SH3D19: variants seen among roughly 807,000 people sequenced by gnomAD.
SH3D19 encodes SH3 domain-containing protein 19.
Under a neutral mutation model 112.1 loss-of-function variants are expected in SH3D19, and 58 were observed. The observed-to-expected ratio is 0.52, with a 90% CI of 0.42 to 0.64. The LOEUF is 0.64. SH3D19 is among the 30% of genes least tolerant of loss of function. The pLI is 0.00. For missense variants in SH3D19, 1,090 were observed against 1,263.4 expected (o/e 0.86, Z 2.08); for synonymous variants, 391 against 448.5 (o/e 0.87, Z 1.62).
intron 1 of SH3D19, among the ~76,000 whole-genome samples, chr4:151,311,576 C>T (rs1367262097): frequency 2.0e-5 from 3 of 152,026 alleles, no homozygotes; most frequent in South Asian, 2.1e-4. Context: ...TAGTGCCTCA[C>T]GCCTGTAATC....
intron 3 of SH3D19, among the ~76,000 whole-genome samples, chr4:151,186,901 T>C (rs576305769): frequency 1.3e-5 from 2 of 151,022 alleles, no homozygotes; most frequent in South Asian, 4.2e-4. Context: ...TTCACGCCAT[T>C]CTCCTGCCTC....
chr4:151,220,151 A>G (rs1450521595), intron 2 of SH3D19, among the ~76,000 whole-genome samples: 2 of 152,196 alleles, frequency 1.3e-5, no homozygotes, highest in Non-Finnish European at 2.9e-5. Flanking sequence ...TTGCTGACAA[A>G]AGACTGTCTT....
At chr4:151,323,909 G>C (rs1466343395) in intron 1 of SH3D19, among the ~76,000 whole-genome samples, 1 of 152,166 alleles carries the variant, frequency 6.6e-6, no homozygotes, top group Admixed American at 6.5e-5. Context: ...AGGAATCTAA[G>C]GTGGCCTACC....
intron 1 of SH3D19, among the ~76,000 whole-genome samples, chr4:151,303,436 G>T (rs530801367): frequency 6.6e-6 from 1 of 152,154 alleles, no homozygotes; most frequent in African/African-American, 2.4e-5. Context: ...ACCATAATAT[G>T]AGCAAGAAAT....
At chr4:151,283,529 T>A (rs1422653829) in intron 1 of SH3D19, among the ~76,000 whole-genome samples, 15 of 97,578 alleles carry the variant, frequency 1.5e-4, no homozygotes, top group Non-Finnish European at 3.2e-4. Context: ...TTTTTTTTTT[T>A]AAATTAGAGA....
At chr4:151,294,604 C>T (rs181588867) in intron 1 of SH3D19, among the ~76,000 whole-genome samples, 1 of 152,316 alleles carries the variant, frequency 6.6e-6, no homozygotes, top group Non-Finnish European at 1.5e-5. Context: ...ACAGACCCTC[C>T]TCTGGAGAAA....
intron 9 of SH3D19, among the ~76,000 whole-genome samples, chr4:151,158,586 C>G (rs867317975): frequency 6.6e-6 from 1 of 151,786 alleles, no homozygotes; most frequent in Admixed American, 6.6e-5. Flanking sequence ...AGGTGTGAGC[C>G]ATTGTGTCCA....
chr4:151,240,021 T>G (rs536384132), intron 1 of SH3D19, among the ~76,000 whole-genome samples: 1 of 152,268 alleles, frequency 6.6e-6, no homozygotes, highest in Non-Finnish European at 1.5e-5. Flanking sequence ...TCCCAGTGCT[T>G]TGGGAAGCTG....
At chr4:151,127,152 C>T (rs13122245) in intron 19 of SH3D19, among the ~76,000 whole-genome samples, 108,437 of 151,872 alleles carry the variant, frequency 0.71, 43,693 homozygotes, top group Non-Finnish European at 0.91. Flanking sequence ...ACCTCGTGAT[C>T]CCCCCACCTC....
intron 1 of SH3D19, chr4:151,279,024 G>A (rs1043234659): frequency 1.0e-5 from 3 of 293,230 alleles, no homozygotes; most frequent in South Asian, 7.7e-5. Flanking sequence ...ACCAGCTAGA[G>A]CTCACACTTG....
intron 17 of SH3D19, among the ~76,000 whole-genome samples, chr4:151,130,831 C>A (rs1342545349): frequency 1.3e-5 from 2 of 151,854 alleles, no homozygotes; most frequent in Admixed American, 6.6e-5. Flanking sequence ...ACCCAGCTTA[C>A]TCAGGAGGTT....
intron 8 of SH3D19, among the ~76,000 whole-genome samples, chr4:151,162,385 T>G (rs1352363161): frequency 6.6e-6 from 1 of 152,160 alleles, no homozygotes; most frequent in East Asian, 1.9e-4. Flanking sequence ...GAGACAGGGT[T>G]TCACCATGTT....
chr4:151,229,743 T>C (rs1421187593), intron 1 of SH3D19, among the ~76,000 whole-genome samples: 3 of 152,034 alleles, frequency 2.0e-5, no homozygotes, highest in African/African-American at 7.3e-5. Context: ...CAAAACCGCA[T>C]CTCTACCAAA....
chr4:151,140,097 T>A (rs1251028711), intron 12 of SH3D19: 1 of 435,474 alleles, frequency 2.3e-6, no homozygotes, highest in Non-Finnish European at 4.1e-6. Context: ...TTTTGCTTTT[T>A]TAAGCTGAGA....
chr4:151,123,771 G>A (rs1748556061), intron 19 of SH3D19, among the ~76,000 whole-genome samples: 1 of 152,094 alleles, frequency 6.6e-6, no homozygotes, highest in African/African-American at 2.4e-5. Context: ...TAGAATCTGT[G>A]TTTAAGATGC....
chr4:151,281,467 G>A (rs898780950), intron 1 of SH3D19, among the ~76,000 whole-genome samples: 2 of 152,116 alleles, frequency 1.3e-5, no homozygotes, highest in East Asian at 1.9e-4. Context: ...GTGGGAGGTG[G>A]GGGGTAGACA....
intron 1 of SH3D19, among the ~76,000 whole-genome samples, chr4:151,318,996 C>T (rs1443980439): frequency 6.6e-6 from 1 of 152,128 alleles, no homozygotes; most frequent in Non-Finnish European, 1.5e-5. Flanking sequence ...CTTTGTATTG[C>T]CAGTATTTTA....
At chr4:151,246,272 C>G (rs1770940278) in intron 1 of SH3D19, among the ~76,000 whole-genome samples, 1 of 152,150 alleles carries the variant, frequency 6.6e-6, no homozygotes, top group Admixed American at 6.5e-5. Context: ...TCACGGATTT[C>G]AGGGTAACAT....
chr4:151,148,000 C>G lies in SH3D19; in HGVS notation c.2004G>C (p.Lys668Asn). ...SNLATGLSKA[K>N]SQVFKNQDPV... Reference sequence around the variant, plus strand: ...GATCTTGATTTTTAAAAACTTGACTCTTGGCTTTTGAGAGTCCAGTTGCCA... The same window carrying G: ...GATCTTGATTTTTAAAAACTTGACTGTTGGCTTTTGAGAGTCCAGTTGCCA... Residue 668 changes from lysine to asparagine, a missense_variant, in exon 11 of 20, where the codon AAG becomes AAC. Physicochemically the swap from Lys to Asn is moderately conservative, Grantham distance 94. Transcript: ENST00000604030. 6.2e-7 allele frequency: 1 copy of G among 1,614,146 alleles called. No homozygotes were observed. Among genetic ancestry groups the G allele is most frequent in the Non-Finnish European group, 8.5e-7 (1 of 1,180,022 alleles).
Sources: allele counts gnomAD v4.1 joint callset (sites outside exome capture counted in the v4.1 genomes callset), GRCh38; gene constraint gnomAD v4.1.1; transcripts MANE v1.5; gene names NCBI Gene and HGNC (gene_info 2026-07-23, HGNC 2026-07-21).